The following GRIA4 variants were observed in gnomAD, a reference collection of about 807,000 sequenced individuals.
GRIA4 encodes the protein glutamate receptor 4.
GRIA4 carries 34 observed loss-of-function variants against 104.0 expected under a neutral mutation model. The ratio of observed to expected loss-of-function variants is 0.33; its 90% CI spans 0.25 to 0.44. The LOEUF (loss-of-function observed/expected upper bound fraction) is 0.44, where lower values mean the gene tolerates loss of function less well. Ranked by LOEUF, GRIA4 falls within the 20% of genes least tolerant of loss-of-function variation. GRIA4 has a pLI of 1.00. For synonymous variants in GRIA4, 386 were observed against 381.9 expected, an observed-to-expected ratio of 1.01 and a Z score of -0.13; for missense variants, 750 against 1,096.5, an observed-to-expected ratio of 0.68 and a Z score of 4.46.
At chr11:105,961,504 A>G (rs991783154) in intron 14 of GRIA4, among the ~76,000 whole-genome samples, 1 of 152,206 alleles carries the variant, frequency 6.6e-6, no homozygotes, top group Admixed American at 6.5e-5. Context: ...TAAATTTTAT[A>G]TAATGTAGTA....
chr11:105,688,290 G>A (rs867616832), intron 3 of GRIA4, among the ~76,000 whole-genome samples: 14 of 152,104 alleles, frequency 9.2e-5, no homozygotes, highest in African/African-American at 1.2e-4. Context: ...TGGGCACGGC[G>A]GCTCACACCT....
intron 14 of GRIA4, among the ~76,000 whole-genome samples, chr11:105,955,612 T>C (rs1948567856): frequency 6.6e-6 from 1 of 152,234 alleles, no homozygotes. Flanking sequence ...AGTAAAATGA[T>C]TTATATTCCT....
At chr11:105,704,205 T>C (rs1241981616) in intron 3 of GRIA4, among the ~76,000 whole-genome samples, 2 of 152,030 alleles carry the variant, frequency 1.3e-5, no homozygotes, top group Non-Finnish European at 2.9e-5. Flanking sequence ...TATTACTTAA[T>C]TTCAGTTGTG....
intron 11 of GRIA4, among the ~76,000 whole-genome samples, chr11:105,922,319 C>G (rs1214812299): frequency 1.3e-5 from 2 of 152,128 alleles, no homozygotes; most frequent in African/African-American, 2.4e-5. Context: ...TAAAGCTGAA[C>G]ATGCCTTTGC....
chr11:105,887,358 T>G (rs1270302623), intron 5 of GRIA4, among the ~76,000 whole-genome samples, 161 bp from the exon 6 acceptor site: 1 of 152,140 alleles, frequency 6.6e-6, no homozygotes, highest in Non-Finnish European at 1.5e-5. Flanking sequence ...GAATATGGCT[T>G]ATCAATTCTT....
intron 3 of GRIA4, among the ~76,000 whole-genome samples, chr11:105,642,533 T>C (rs1355667271): frequency 1.0e-5 from 1 of 95,418 alleles, no homozygotes; most frequent in Non-Finnish European, 1.9e-5. Context: ...TTCTCAATTT[T>C]AATGAAAAAA....
At chr11:105,883,826 G>C (rs971524069) in intron 5 of GRIA4, among the ~76,000 whole-genome samples, 2 of 152,112 alleles carry the variant, frequency 1.3e-5, no homozygotes, top group Non-Finnish European at 2.9e-5. Flanking sequence ...GGTATTTCTA[G>C]TTCTAGATCC....
chr11:105,644,640 C>T (rs1313946159), intron 3 of GRIA4, among the ~76,000 whole-genome samples: 1 of 151,846 alleles, frequency 6.6e-6, no homozygotes. Context: ...TTAAAAAATA[C>T]CATTTTTATC....
rs1315769219 is a variant in GRIA4, at chr11:105,753,226, T to A, written c.487+6T>A. ...CCTGTATGACACAGACAGGGGTAAGTCCAGTTTCTTCATCTATTAGAGCAA... is the reference window on the plus strand; with the variant it reads ...CCTGTATGACACAGACAGGGGTAAGACCAGTTTCTTCATCTATTAGAGCAA... On this transcript the variant is annotated splice_donor_region_variant and intron_variant, in intron 4 of 16. Coordinates refer to ENST00000282499, the MANE Select transcript of GRIA4 (RefSeq NM_000829.4). 1 of 1,612,776 alleles carries A rather than the reference T, an allele frequency of 6.2e-7. No individual in the cohort carries two copies. The highest frequency in any genetic ancestry group is 1.1e-5 in the South Asian group (1 of 91,058).
intron 3 of GRIA4, among the ~76,000 whole-genome samples, chr11:105,675,116 G>T (rs994391049): frequency 6.6e-6 from 1 of 151,798 alleles, no homozygotes; most frequent in African/African-American, 2.4e-5. Flanking sequence ...ACTCAGAAAA[G>T]GTAGTCAATT....
chr11:105,690,044 G>C (rs1953028735), intron 3 of GRIA4, among the ~76,000 whole-genome samples: 1 of 152,142 alleles, frequency 6.6e-6, no homozygotes, highest in Non-Finnish European at 1.5e-5. Flanking sequence ...ACCTTCTGCT[G>C]GTCCTGGCAG....
rs1859211417 is a variant in GRIA4, at chr11:105,980,401, T to C, written c.*662T>C. 6.6e-6 allele frequency: 1 copy of C among 152,662 alleles called. No homozygotes were observed. The highest frequency in any genetic ancestry group is 2.4e-5 in the African/African-American group (1 of 41,470). 9.5% of individuals were successfully genotyped at this position (152,662 alleles called of 1,614,324 possible). A position where few individuals can be genotyped will look rare whatever the true frequency, so the allele number is the denominator to read the frequency against. On this transcript the variant is annotated 3_prime_UTR_variant, in exon 17 of 17. Transcript: ENST00000282499. ...CATCTTAGGGAACAATACATTGCAA[T>C]AATTGATATAAATGCCATCACTGTA...
intron 7 of GRIA4, among the ~76,000 whole-genome samples, chr11:105,900,801 G>A (rs1263123736): frequency 2.6e-5 from 4 of 152,068 alleles, no homozygotes; most frequent in Non-Finnish European, 4.4e-5. Flanking sequence ...CGATGGCCAG[G>A]CTGGTCTTGA....
intron 4 of GRIA4, among the ~76,000 whole-genome samples, chr11:105,832,850 T>C (rs1321949159): frequency 6.6e-6 from 1 of 151,956 alleles, no homozygotes; most frequent in African/African-American, 2.4e-5. Context: ...TTTCAGAATA[T>C]AGGTTATTTT....
chr11:105,655,318 T>C (rs916586664), intron 3 of GRIA4, among the ~76,000 whole-genome samples: 17 of 152,102 alleles, frequency 1.1e-4, no homozygotes, highest in African/African-American at 3.9e-4. Flanking sequence ...CATCTAACCT[T>C]TTTGTATAGT....
At chr11:105,943,752 T>A (rs767416979) in intron 14 of GRIA4, among the ~76,000 whole-genome samples, 1 of 152,084 alleles carries the variant, frequency 6.6e-6, no homozygotes, top group South Asian at 2.1e-4. Context: ...AACTCTGTCA[T>A]ATAAGTGACT....
chr11:105,674,787 T>C (rs932380215), intron 3 of GRIA4, among the ~76,000 whole-genome samples: 1 of 151,938 alleles, frequency 6.6e-6, no homozygotes, highest in Non-Finnish European at 1.5e-5. Context: ...CTTACTTTAC[T>C]ATTACTCTCT....
At chr11:105,752,175 G>A (rs1940036092) in intron 3 of GRIA4, among the ~76,000 whole-genome samples, 3 of 152,130 alleles carry the variant, frequency 2.0e-5, no homozygotes, top group Non-Finnish European at 2.9e-5. Flanking sequence ...GTTGCTTCAT[G>A]GTTTTGTAGC....
At chr11:105,722,729 T>A (rs976841632) in intron 3 of GRIA4, among the ~76,000 whole-genome samples, 1 of 152,104 alleles carries the variant, frequency 6.6e-6, no homozygotes, top group Non-Finnish European at 1.5e-5. Flanking sequence ...TACATGTATA[T>A]ACATATAATG....
Sources: allele counts gnomAD v4.1 joint callset (sites outside exome capture counted in the v4.1 genomes callset), GRCh38; gene constraint gnomAD v4.1.1; transcripts MANE v1.5; gene names NCBI Gene and HGNC (gene_info 2026-07-23, HGNC 2026-07-21).